Variants in PCDHGB1 observed in about 807,000 individuals in gnomAD.
PCDHGB1 encodes the protein protocadherin gamma subfamily B, 1.
Under a neutral mutation model 56.6 loss-of-function variants are expected in PCDHGB1, and 34 were observed. That is an observed-to-expected ratio of 0.60 (90% CI 0.46 to 0.80). The LOEUF (loss-of-function observed/expected upper bound fraction) is 0.80, where lower values mean the gene tolerates loss of function less well. Among genes scored for constraint, PCDHGB1 ranks in the 30% least tolerant of loss-of-function variants. The probability of loss-of-function intolerance (pLI) is 0.00; values close to 1 mark genes in which losing one functional copy is unlikely to be tolerated. For synonymous variants in PCDHGB1, 561 were observed against 505.9 expected, an observed-to-expected ratio of 1.11 and a Z score of -1.46; for missense variants, 1,278 against 1,204.6, an observed-to-expected ratio of 1.06 and a Z score of -0.90.
intron 1 of PCDHGB1, chr5:141,428,330 T>C: frequency 1.6e-6 from 1 of 628,558 alleles, no homozygotes; most frequent in Non-Finnish European, 2.9e-6. Flanking sequence ...TTGATTTCTA[T>C]GCTCTTCTTC....
Position 141,493,891 on chromosome 5 carries a change from G to A in PCDHGB1, c.2410-916G>A, listed in dbSNP as rs1595204910. On this transcript the variant is annotated intron_variant, in intron 1 of 3. Transcript: ENST00000523390. The surrounding 1 kb of genome is among the most constrained non-coding windows in gnomAD (Gnocchi z 4.3). ...CCAGTGAGGAGGTGGCTCTAGGAGT[G>A]CTCCATGAGAGTGTGTGATGGGATA... Among the ~76,000 whole-genome samples, 1 of 152,300 alleles carries A rather than the reference G, an allele frequency of 6.6e-6. No homozygotes were observed. The highest frequency in any genetic ancestry group is 1.5e-5 in the Non-Finnish European group (1 of 68,018).
intron 1 of PCDHGB1, chr5:141,418,597 G>A (rs2096274061): frequency 3.7e-6 from 6 of 1,614,052 alleles, no homozygotes; most frequent in Non-Finnish European, 5.1e-6. Flanking sequence ...GCCAGGACGT[G>A]TACAGGGTTA....
intron 1 of PCDHGB1, chr5:141,418,374 T>C: frequency 1.2e-6 from 2 of 1,613,968 alleles, no homozygotes; most frequent in Non-Finnish European, 1.7e-6. Flanking sequence ...AAATACCAAC[T>C]AAGTCCTAAC....
intron 1 of PCDHGB1, among the ~76,000 whole-genome samples, chr5:141,472,243 T>A (rs1276064128): frequency 6.6e-6 from 1 of 152,190 alleles, no homozygotes; most frequent in East Asian, 1.9e-4. Context: ...TCACTTTCTA[T>A]TTTAAAGTTA....
intron 2 of PCDHGB1, among the ~76,000 whole-genome samples, chr5:141,504,369 A>G (rs968327872): frequency 6.6e-5 from 10 of 152,272 alleles, no homozygotes; most frequent in Non-Finnish European, 1.2e-4. Context: ...AGTAGGAAGC[A>G]GGTGGAGTCG....
intron 1 of PCDHGB1, chr5:141,414,991 G>T (rs1162432290): frequency 1.9e-6 from 3 of 1,613,766 alleles, no homozygotes; most frequent in Non-Finnish European, 1.7e-6. Flanking sequence ...CGGCCAGAAC[G>T]CCTGGCTGTC....
At chr5:141,392,945 C>T (rs1561639150) in intron 1 of PCDHGB1, 1 of 1,613,916 alleles carries the variant, frequency 6.2e-7, no homozygotes. Flanking sequence ...AAGGCTCCTT[C>T]GTGGGTAATA....
chr5:141,392,774 C>G (rs752798314), intron 1 of PCDHGB1: 1 of 1,520,452 alleles, frequency 6.6e-7, no homozygotes, highest in East Asian at 2.3e-5. Context: ...CCCATTTATG[C>G]ACAGTGAAGA....
chr5:141,438,392 ATTAAC>A (rs1296512476), intron 1 of PCDHGB1, among the ~76,000 whole-genome samples: 3 of 151,714 alleles, frequency 2.0e-5, no homozygotes, highest in African/African-American at 7.3e-5. Context: ...TTAGTTCATC[ATTAAC>A]TCTCTGAAGT....
At chr5:141,384,778 C>T (rs1206898496) in intron 1 of PCDHGB1, 6 of 1,613,608 alleles carry the variant, frequency 3.7e-6, no homozygotes, top group East Asian at 2.2e-5. Flanking sequence ...GGGCGAGGTG[C>T]GCACGGCTCG....
At chr5:141,499,013 GA>G (rs2099788463) in intron 2 of PCDHGB1, among the ~76,000 whole-genome samples, 1 of 144,746 alleles carries the variant, frequency 6.9e-6, no homozygotes, top group Non-Finnish European at 1.5e-5. Context: ...AGGAAGGAAG[GA>G]AGGAAGGAAG....
chr5:141,469,354 A>G (rs1160934469), intron 1 of PCDHGB1, among the ~76,000 whole-genome samples: 1 of 152,128 alleles, frequency 6.6e-6, no homozygotes, highest in Non-Finnish European at 1.5e-5. Flanking sequence ...AGGTGGATGG[A>G]TCATGAGGTA....
chr5:141,362,412 A>T, intron 1 of PCDHGB1: 1 of 1,614,034 alleles, frequency 6.2e-7, no homozygotes, highest in Non-Finnish European at 8.5e-7. Context: ...TTGCCTCACA[A>T]TCAGCCAAGA....
chr5:141,366,894 T>A, intron 1 of PCDHGB1: 1 of 1,215,552 alleles, frequency 8.2e-7, no homozygotes, highest in Non-Finnish European at 1.1e-6. Flanking sequence ...TTTATATAAT[T>A]CATGCTTTCT....
intron 1 of PCDHGB1, among the ~76,000 whole-genome samples, chr5:141,434,609 G>T (rs189866750): frequency 1.3e-5 from 2 of 151,946 alleles, no homozygotes; most frequent in Non-Finnish European, 2.9e-5. Flanking sequence ...CTTTATTTCC[G>T]CCCATCTCTT....
At chr5:141,418,855 A>C in intron 1 of PCDHGB1, 1 of 1,614,042 alleles carries the variant, frequency 6.2e-7, no homozygotes, top group Non-Finnish European at 8.5e-7. Context: ...CACGGTGTAA[A>C]GTAATTGTAG....
chr5:141,477,819 T>C lies in PCDHGB1; in HGVS notation c.2410-16988T>C. 1.9e-6 allele frequency: 3 copies of C among 1,614,138 alleles called. No individual in the cohort carries two copies. The highest frequency in any genetic ancestry group is 2.5e-6 in the Non-Finnish European group (3 of 1,180,030). On this transcript the variant is annotated intron_variant, in intron 1 of 3. Transcript: ENST00000523390. The surrounding 1 kb of genome is among the most constrained non-coding windows in gnomAD (Gnocchi z 4.9). ...CGCAATGACAATGCCCCCCAGGTCC[T>C]ATATCCTCGGCCAGGTGGGAGCTCG...
intron 1 of PCDHGB1, chr5:141,370,629 C>G: frequency 6.2e-7 from 1 of 1,613,860 alleles, no homozygotes; most frequent in Non-Finnish European, 8.5e-7. Flanking sequence ...TACCGTGAGC[C>G]CCGAAAATGG....
At chr5:141,378,415 C>G (rs62378442) in intron 1 of PCDHGB1, 5,215 of 152,332 alleles carry the variant, frequency 0.034, 104 homozygotes, top group Middle Eastern at 0.088. Context: ...CGCAGCTACT[C>G]GGGAGGCTGA....
Sources: allele counts gnomAD v4.1 joint callset (sites outside exome capture counted in the v4.1 genomes callset), GRCh38; gene constraint gnomAD v4.1.1; non-coding constraint Gnocchi (gnomAD v3.1); transcripts MANE v1.5; gene names NCBI Gene and HGNC (gene_info 2026-07-23, HGNC 2026-07-21).